Variants in OR4D1 observed in about 807,000 individuals in gnomAD.
OR4D1 encodes olfactory receptor 4D1.
OR4D1 carries 10 observed loss-of-function variants against 14.2 expected under a neutral mutation model. The ratio of observed to expected loss-of-function variants is 0.71; its 90% confidence interval spans 0.44 to 1.20. OR4D1 has a LOEUF of 1.20. OR4D1 is among the 50% of genes most tolerant of loss of function. OR4D1 has a pLI of 0.00. For missense variants in OR4D1, 345 were observed against 376.6 expected, an observed-to-expected ratio of 0.92 and a Z score of 0.70; for synonymous variants, 141 against 147.4, an observed-to-expected ratio of 0.96 and a Z score of 0.32.
rs1967797513 is a variant in OR4D1, at chr17:58,157,798, G to A, written c.*1712G>A. The stretch of plus-strand genomic sequence containing the variant: ...CAGTGGGATATGGCATGTACCACCT[G>A]TCCTAAGGAAGACCAGATCAATAGA... On this transcript the variant is annotated 3_prime_UTR_variant, in exon 4 of 4. Transcript: ENST00000268912. 1 of 1,606,876 alleles carries A rather than the reference G, an allele frequency of 6.2e-7. No individual in the cohort carries two copies. The highest frequency in any genetic ancestry group is 8.5e-7 in the Non-Finnish European group (1 of 1,179,226).
At chr17:58,154,809 A>G (rs1027488586) in intron 3 of OR4D1, among the ~76,000 whole-genome samples, 2 of 152,216 alleles carry the variant, frequency 1.3e-5, no homozygotes, top group African/African-American at 4.8e-5. Flanking sequence ...AACTAGCTTT[A>G]TGGAACCTAT....
chr17:58,154,572 C>T (rs1967741431), intron 3 of OR4D1, among the ~76,000 whole-genome samples: 2 of 152,070 alleles, frequency 1.3e-5, no homozygotes, highest in Non-Finnish European at 2.9e-5. Flanking sequence ...GCTTATTTTT[C>T]TTCACATTTA....
intron 1 of OR4D1, among the ~76,000 whole-genome samples, 163 bp downstream of exon 1, chr17:58,148,747 C>T (rs548430696): frequency 5.9e-5 from 9 of 152,176 alleles, no homozygotes; most frequent in East Asian, 5.8e-4. Flanking sequence ...GGAGGGAGAG[C>T]GGAATATAGA....
At chr17:58,154,725 T>G (rs924615894) in intron 3 of OR4D1, among the ~76,000 whole-genome samples, 3 of 152,206 alleles carry the variant, frequency 2.0e-5, no homozygotes, top group Non-Finnish European at 4.4e-5. Context: ...CCTATCAAGA[T>G]TTATGCACAT....
rs1967795423 is a variant in OR4D1 at position 58,157,734 on chromosome 17, C to T, written c.*1648C>T. On this transcript the variant is annotated 3_prime_UTR_variant, in exon 4 of 4. Coordinates refer to ENST00000268912, the MANE Select transcript of OR4D1 (RefSeq NM_001386095.1). ...GCAGCATCCTACCCGTTCCATAGAC[C>T]TGTGCTTCCCATCCCGCCCGTGGGA... is the stretch of plus-strand genomic sequence containing the variant. The T allele has an allele frequency of 3.1e-6, 5 of 1,613,708 alleles. No homozygotes were observed. Among genetic ancestry groups the T allele is most frequent in the Middle Eastern group, 1.7e-4 (1 of 6,056 alleles).
intron 3 of OR4D1, 64 bp from the exon 4 acceptor site, chr17:58,155,071 C>T (rs1967747447): frequency 3.5e-6 from 4 of 1,136,258 alleles, no homozygotes; most frequent in South Asian, 1.5e-5. Context: ...CCTGACTGTC[C>T]AAGGAAAATG....
rs1967757758 is a variant in OR4D1 at position 58,155,548 on chromosome 17, A to G, written c.395A>G (p.Tyr132Cys). ...ATAGCCATCTCCCAGCCCCTCCGGT[A>G]TGTCACCATCATGAACACTCAATTG... ...RYIAISQPLR[Y>C]VTIMNTQLCV... is the part of the protein sequence containing the mutation. Residue 132 changes from tyrosine (Y) to cysteine (C), a missense_variant, in exon 4 of 4, where the codon TAT becomes TGT. By Grantham distance (194) the Tyr-to-Cys change is radical. Coordinates refer to ENST00000268912, the MANE Select transcript of OR4D1 (RefSeq NM_001386095.1). The G allele has an allele frequency of 6.2e-7, 1 of 1,613,976 alleles. No individual in the cohort carries two copies. Among genetic ancestry groups the G allele is most frequent in the South Asian group, 1.1e-5 (1 of 91,086 alleles).
At chr17:58,154,266 CT>C (rs3030795) in intron 3 of OR4D1, among the ~76,000 whole-genome samples, 19,137 of 137,296 alleles carry the variant, frequency 0.14, 1,602 homozygotes, top group African/African-American at 0.24. Context: ...AGCCAACCCT[CT>C]TTTTTTTTTT....
chr17:58,149,410 ACTCT>A lies in OR4D1; in HGVS notation c.-494-14_-494-11del, dbSNP rs1363099593. The A allele has an allele frequency of 2.6e-5, 4 of 152,044 alleles. No homozygotes were observed. The highest frequency in any genetic ancestry group is 7.2e-5 in the African/African-American group (3 of 41,440). 9.4% of individuals were successfully genotyped at this position (152,044 alleles called of 1,614,324 possible). On this transcript the variant is annotated splice_polypyrimidine_tract_variant and intron_variant, in intron 1 of 3. Coordinates refer to ENST00000268912, the MANE Select transcript of OR4D1 (RefSeq NM_001386095.1). The stretch of plus-strand genomic sequence containing the variant: ...ATAAACTGCATTCTATCCAGTGGCT[ACTCT>A]CTCTTTCTTCCCAGCTCTCACGGCA...
rs1430577327 is a variant in OR4D1, at chr17:58,155,942, C to A, written c.789C>A (p.Thr263=). ...PCIYIYTWPF[T]PFLMDKAVSI... ...TCTATATCTATACCTGGCCCTTCAC[C>A]CCATTCCTCATGGACAAGGCTGTGT... is the stretch of plus-strand genomic sequence containing the variant. The change falls in exon 4 of 4, where the codon ACC becomes ACA. Residue 263 remains threonine, a synonymous_variant. Transcript: ENST00000268912. The A allele has an allele frequency of 3.1e-6, 5 of 1,613,960 alleles. No homozygotes were observed. Among genetic ancestry groups the A allele is most frequent in the Non-Finnish European group, 4.2e-6 (5 of 1,180,002 alleles).
chr17:58,155,957 C>G lies in OR4D1; in HGVS notation c.804C>G (p.Asp268Glu). 6.2e-7 allele frequency: 1 copy of G among 1,614,032 alleles called. No homozygotes were observed. Among genetic ancestry groups the G allele is most frequent in the Non-Finnish European group, 8.5e-7 (1 of 1,179,932 alleles). ...YTWPFTPFLM[D>E]KAVSISYTVM... Reference sequence around the variant, plus strand: ...GGCCCTTCACCCCATTCCTCATGGACAAGGCTGTGTCCATCAGCTACACAG... The same window carrying G: ...GGCCCTTCACCCCATTCCTCATGGAGAAGGCTGTGTCCATCAGCTACACAG... Residue 268 changes from aspartate (D) to glutamate (E), a missense_variant, in exon 4 of 4, where the codon GAC becomes GAG. Physicochemically the swap from Asp to Glu is conservative, Grantham distance 45 (BLOSUM62 2). Transcript: ENST00000268912.
chr17:58,157,881 C>A lies in OR4D1; in HGVS notation c.*1795C>A. ...CTCTCCCTCTCCAAGAAGGCAGGACCAGCCAATACTCCTGTTCTGCAAACC... is the reference window on the plus strand; with the variant it reads ...CTCTCCCTCTCCAAGAAGGCAGGACAAGCCAATACTCCTGTTCTGCAAACC... On this transcript the variant is annotated 3_prime_UTR_variant, in exon 4 of 4. Transcript: ENST00000268912. 7.3e-7 allele frequency: 1 copy of A among 1,374,950 alleles called. No homozygotes were observed. The highest frequency in any genetic ancestry group is 1.0e-6 in the Non-Finnish European group (1 of 977,254). 85.2% of individuals were successfully genotyped at this position (1,374,950 alleles called of 1,614,324 possible). A position where few individuals can be genotyped will look rare whatever the true frequency, so the allele number is the denominator to read the frequency against.
Position 58,157,125 on chromosome 17 carries a change from TC to T in OR4D1, c.*1041del. 2 of 1,480,490 alleles carry T rather than the reference TC, an allele frequency of 1.4e-6. No homozygotes were observed. The highest frequency in any genetic ancestry group is 2.1e-5 in the Admixed American group (1 of 46,692). 91.7% of individuals were successfully genotyped at this position (1,480,490 alleles called of 1,614,324 possible). A position where few individuals can be genotyped will look rare whatever the true frequency, so the allele number is the denominator to read the frequency against. On this transcript the variant is annotated 3_prime_UTR_variant, in exon 4 of 4. Coordinates refer to ENST00000268912, the MANE Select transcript of OR4D1 (RefSeq NM_001386095.1). ...CGCGGAGGAGCGCCGCGTCAAGGTC[TC>T]CAGCCTGCCCTACAGTGTGGATGCG...
chr17:58,153,072 A>G (rs2143658436), intron 2 of OR4D1, among the ~76,000 whole-genome samples: 1 of 152,362 alleles, frequency 6.6e-6, no homozygotes, highest in South Asian at 2.1e-4. Flanking sequence ...GATTAGGGTC[A>G]GGGGCTTTCC....
chr17:58,152,297 C>T (rs973834492), intron 2 of OR4D1, among the ~76,000 whole-genome samples: 11 of 152,174 alleles, frequency 7.2e-5, no homozygotes, highest in Admixed American at 5.9e-4. Context: ...AGCCACTGCA[C>T]GCAGCCATGT....
intron 2 of OR4D1, among the ~76,000 whole-genome samples, chr17:58,151,638 AAG>A (rs1283894750): frequency 7.9e-5 from 12 of 152,212 alleles, no homozygotes; most frequent in African/African-American, 2.7e-4. Context: ...ATTCCCTTAT[AAG>A]AGCATCAGTG....
At position 58,155,179 on chromosome 17, in the gene OR4D1, T is replaced by C; in HGVS notation, c.26T>C (p.Val9Ala). 1 of 1,614,020 alleles carries C rather than the reference T, an allele frequency of 6.2e-7. No homozygotes were observed. Among genetic ancestry groups the C allele is most frequent in the African/African-American group, 1.3e-5 (1 of 75,022 alleles). The change falls in exon 4 of 4, where the codon GTA becomes GCA. Residue 9 changes from valine to alanine, a missense_variant. Physicochemically the swap from Val to Ala is moderately conservative, Grantham distance 64. Transcript: ENST00000268912. Reference sequence around the variant, plus strand: ...ATGGAACCACAGAACACCACACAGGTATCAATGTTTGTCCTCTTAGGGTTT... The same window carrying C: ...ATGGAACCACAGAACACCACACAGGCATCAATGTTTGTCCTCTTAGGGTTT... MEPQNTTQ[V>A]SMFVLLGFSQ...
chr17:58,152,005 T>C (rs1021471610), intron 2 of OR4D1, among the ~76,000 whole-genome samples: 1 of 152,258 alleles, frequency 6.6e-6, no homozygotes, highest in African/African-American at 2.4e-5. Flanking sequence ...CTCTAAATTC[T>C]CAATAATGCT....
Position 58,156,293 on chromosome 17 carries a change from C to G in OR4D1, c.*207C>G. The G allele has an allele frequency of 3.9e-6, 2 of 518,382 alleles. No homozygotes were observed. Among genetic ancestry groups the G allele is most frequent in the Non-Finnish European group, 6.8e-6 (2 of 293,716 alleles). The allele number at this position is 518,382 out of a possible 1,614,324, so 32.1% of individuals were successfully genotyped here. ...TTAGATGGAGCCTTGCTCTGTCACC[C>G]AGGCTGGAGTGCAGTGGTGCAGTCT... On this transcript the variant is annotated 3_prime_UTR_variant, in exon 4 of 4. Coordinates refer to ENST00000268912, the MANE Select transcript of OR4D1 (RefSeq NM_001386095.1).
Sources: allele counts gnomAD v4.1 joint callset (sites outside exome capture counted in the v4.1 genomes callset), GRCh38; gene constraint gnomAD v4.1.1; transcripts MANE v1.5; gene names NCBI Gene and HGNC (gene_info 2026-07-23, HGNC 2026-07-21).